The following MAP2 variants were observed in gnomAD, a reference collection of about 807,000 sequenced individuals.
The protein encoded by MAP2 is microtubule associated protein 2.
MAP2 carries 14 observed loss-of-function variants against 137.6 expected under a neutral mutation model. The ratio of observed to expected loss-of-function variants is 0.10; its 90% CI spans 0.07 to 0.16. The LOEUF (loss-of-function observed/expected upper bound fraction) is 0.16. MAP2 is among the 10% of genes least tolerant of loss of function. MAP2 has a pLI of 1.00. For synonymous variants in MAP2, 786 were observed against 782.3 expected (o/e 1.00, Z -0.08); for missense variants, 2,088 against 2,191.5 (o/e 0.95, Z 0.94).
rs1280897478 is a variant in MAP2 at position 209,593,633 on chromosome 2, AAATAT to A, written c.-107+13535_-107+13539del. ...CCCTGTCTCTACAAAAAAAAAAAAA[AAATAT>A]ATATATATATATATATATATATATA... is the stretch of plus-strand genomic sequence containing the variant. On this transcript the variant is annotated intron_variant, in intron 3 of 15. Transcript: ENST00000682079. Among the ~76,000 whole-genome samples, 16 of 61,956 alleles carry A rather than the reference AAATAT, an allele frequency of 2.6e-4. 3 individuals are homozygous for A. Among genetic ancestry groups the A allele is most frequent in the African/African-American group, 1.1e-3 (16 of 13,916 alleles). The allele number at this position is 61,956 out of a possible 152,430, so 40.6% of individuals were successfully genotyped here.
chr2:209,575,306 G>T (rs2075138671), intron 2 of MAP2, among the ~76,000 whole-genome samples: 1 of 151,960 alleles, frequency 6.6e-6, no homozygotes, highest in Admixed American at 6.6e-5. Flanking sequence ...CGGATCACGA[G>T]GTCAGAAGAT....
intron 4 of MAP2, among the ~76,000 whole-genome samples, chr2:209,645,126 A>G (rs993952269): frequency 1.6e-4 from 24 of 152,310 alleles, no homozygotes; most frequent in African/African-American, 4.3e-4. Flanking sequence ...AAGTATGTCT[A>G]TTTGCCACTT....
chr2:209,605,359 T>C (rs1261900319), intron 3 of MAP2, among the ~76,000 whole-genome samples: 1 of 152,172 alleles, frequency 6.6e-6, no homozygotes, highest in African/African-American at 2.4e-5. Flanking sequence ...TTAAAGTAAA[T>C]CTTCCTCAAA....
At chr2:209,480,949 A>C (rs1708592111) in intron 1 of MAP2, among the ~76,000 whole-genome samples, 1 of 152,018 alleles carries the variant, frequency 6.6e-6, no homozygotes, top group South Asian at 2.1e-4. Flanking sequence ...TTCATCTGGA[A>C]ATGCTGGGTT....
chr2:209,587,947 G>C (rs576556005), intron 3 of MAP2, among the ~76,000 whole-genome samples: 11 of 152,322 alleles, frequency 7.2e-5, no homozygotes, highest in African/African-American at 2.4e-4. Flanking sequence ...TTTATGTGAA[G>C]TCAAGTTAAA....
At chr2:209,454,651 C>A (rs1461599574) in intron 1 of MAP2, among the ~76,000 whole-genome samples, 1 of 152,108 alleles carries the variant, frequency 6.6e-6, no homozygotes, top group Non-Finnish European at 1.5e-5. Flanking sequence ...TACTGAATAT[C>A]TTAGTAAATT....
At chr2:209,703,244 A>T (rs1302238510) in intron 11 of MAP2, among the ~76,000 whole-genome samples, 1 of 152,166 alleles carries the variant, frequency 6.6e-6, no homozygotes, top group East Asian at 1.9e-4. Context: ...TGAACAAATT[A>T]TATATAAACT....
intron 4 of MAP2, among the ~76,000 whole-genome samples, chr2:209,628,493 C>G (rs2092647710): frequency 6.6e-6 from 1 of 152,182 alleles, no homozygotes; most frequent in Non-Finnish European, 1.5e-5. Flanking sequence ...GCCTTATCAT[C>G]TCTACCTATA....
intron 13 of MAP2, among the ~76,000 whole-genome samples, chr2:209,715,090 C>T (rs1400168342): frequency 5.3e-5 from 8 of 151,966 alleles, no homozygotes. Flanking sequence ...TATTAAAATA[C>T]ATGTTATATT....
chr2:209,431,804 A>G (rs1016432815), intron 1 of MAP2, among the ~76,000 whole-genome samples: 2 of 152,180 alleles, frequency 1.3e-5, no homozygotes, highest in African/African-American at 2.4e-5. Context: ...TTCGTGACTC[A>G]ACTGTGACTT....
intron 3 of MAP2, among the ~76,000 whole-genome samples, chr2:209,583,230 T>C (rs937123368): frequency 1.3e-5 from 2 of 151,958 alleles, no homozygotes; most frequent in African/African-American, 4.8e-5. Context: ...AGTGAATATG[T>C]CCTCAAATAC....
At chr2:209,720,392 G>T (rs141339628) in intron 13 of MAP2, among the ~76,000 whole-genome samples, 8 of 151,858 alleles carry the variant, frequency 5.3e-5, no homozygotes, top group Admixed American at 3.9e-4. Context: ...TAATCCCAGC[G>T]CTTTGGGAGG....
chr2:209,547,482 G>A lies in MAP2; in HGVS notation c.-171-32554G>A, dbSNP rs563803819. 5.9e-5 allele frequency among the ~76,000 whole-genome samples: 9 copies of A among 152,154 alleles called. No homozygotes were observed. The East Asian group carries it at 1.2e-3, about 20-fold the overall frequency. On this transcript the variant is annotated intron_variant, in intron 2 of 15. Transcript: ENST00000682079. ...TCAGACATTTACGTTACAGCAAAAC[G>A]TAAAATACCGGCAGATTGTAAAGTT...
rs898861093 is a variant in MAP2 at position 209,732,499 on chromosome 2, A to C, written c.*2102A>C. ...AATTGCTGTGAGGTTTGATTTGACCAATCTGGGCAATTTATTCATCAGCTT... is the reference window on the plus strand; with the variant it reads ...AATTGCTGTGAGGTTTGATTTGACCCATCTGGGCAATTTATTCATCAGCTT... On this transcript the variant is annotated 3_prime_UTR_variant, in exon 16 of 16. Transcript: ENST00000682079. The C allele has an allele frequency of 3.9e-5, 6 of 152,352 alleles. No homozygotes were observed. The East Asian group carries it at 1.2e-3, about 29-fold the overall frequency. 9.4% of individuals were successfully genotyped at this position (152,352 alleles called of 1,614,324 possible). A position where few individuals can be genotyped will look rare whatever the true frequency, so the allele number is the denominator to read the frequency against.
intron 3 of MAP2, among the ~76,000 whole-genome samples, chr2:209,620,643 A>G (rs1033778594): frequency 6.6e-6 from 1 of 152,152 alleles, no homozygotes; most frequent in African/African-American, 2.4e-5. Flanking sequence ...TGTTAGACTA[A>G]ATGATTTTAT....
intron 2 of MAP2, among the ~76,000 whole-genome samples, chr2:209,543,694 A>T (rs2153271405): frequency 6.6e-6 from 1 of 152,306 alleles, no homozygotes; most frequent in South Asian, 2.1e-4. Context: ...GTATTTTAAG[A>T]TTGTGTCAGG....
At chr2:209,576,395 C>T (rs1231642392) in intron 2 of MAP2, among the ~76,000 whole-genome samples, 3 of 151,944 alleles carry the variant, frequency 2.0e-5, no homozygotes, top group Non-Finnish European at 4.4e-5. Flanking sequence ...AGGCATGCAC[C>T]ACCACACCCA....
chr2:209,504,266 T>A (rs1025996441), intron 1 of MAP2, among the ~76,000 whole-genome samples: 3 of 149,548 alleles, frequency 2.0e-5, no homozygotes, highest in East Asian at 2.0e-4. Context: ...AACTGAACTT[T>A]AAAAAAAAAA....
At chr2:209,449,662 A>C (rs1413003936) in intron 1 of MAP2, among the ~76,000 whole-genome samples, 1 of 152,202 alleles carries the variant, frequency 6.6e-6, no homozygotes, top group Non-Finnish European at 1.5e-5. Flanking sequence ...TATCTCAAAG[A>C]AAAATGTAAT....
Sources: gnomAD v4.1 joint callset for allele counts (sites outside exome capture counted in the v4.1 genomes callset) on GRCh38, gnomAD v4.1.1 for gene constraint, MANE v1.5 for transcripts, NCBI Gene and HGNC (gene_info 2026-07-23, HGNC 2026-07-21) for gene names.